Variants in USP35 observed in about 807,000 individuals in gnomAD.
USP35 encodes ubiquitin specific peptidase 35, also known as ubiquitin carboxyl-terminal hydrolase 35.
In USP35, 69 loss-of-function variants were observed where a neutral mutation model predicts 83.8. The ratio of observed to expected loss-of-function variants is 0.82; its 90% CI spans 0.68 to 1.01. The LOEUF (loss-of-function observed/expected upper bound fraction) is 1.01, where lower values mean the gene tolerates loss of function less well. USP35 is among the 50% of genes least tolerant of loss of function. The pLI is 0.00. For missense variants in USP35, 1,503 were observed against 1,362.5 expected, an observed-to-expected ratio of 1.10 and a Z score of -1.62; for synonymous variants, 714 against 589.5, an observed-to-expected ratio of 1.21 and a Z score of -3.06.
At chr11:78,212,454 T>G (rs890710835) in intron 10 of USP35, among the ~76,000 whole-genome samples, 11 of 90,548 alleles carry the variant, frequency 1.2e-4, no homozygotes, top group Non-Finnish European at 1.7e-4. Flanking sequence ...TTTAAAATAG[T>G]TTTTTCTAAT....
At chr11:78,226,117 A>G in the USP35 span, among the ~76,000 whole-genome samples, 1 of 152,192 alleles carries the variant, frequency 6.6e-6, no homozygotes, top group South Asian at 2.1e-4. Context: ...TTCTGAATTT[A>G]TTTTTTAAAT....
Position 78,196,334 on chromosome 11 carries a change from G to C in USP35, c.89G>C (p.Arg30Pro). The C allele has an allele frequency of 6.3e-7, 1 of 1,585,436 alleles. No homozygotes were observed. Among genetic ancestry groups the C allele is most frequent in the Admixed American group, 1.7e-5 (1 of 59,018 alleles). ...GTTCGGCGCGTGCTGGAGGCGGCGC[G>C]GCAGCCGCTGGAGCGTGAGCAGTGC... is the stretch of plus-strand genomic sequence containing the variant. ...GLVRRVLEAA[R>P]QPLEREQCLA... is the part of the protein sequence containing the mutation. Residue 30 changes from arginine to proline, a missense_variant, in exon 2 of 11, where the codon CGG (arginine) becomes CCG (proline). By Grantham distance (103) the Arg-to-Pro change is moderately radical. Transcript: ENST00000529308. This position sits in a 1 kb window ranked among gnomAD's most constrained non-coding sequence, Gnocchi z 4.8.
chr11:78,220,370 A>G, the USP35 span: 1 of 1,613,122 alleles, frequency 6.2e-7, no homozygotes, highest in African/African-American at 1.3e-5. Context: ...CCAGATAATC[A>G]ACGCTGCCGG....
chr11:78,209,640 C>T lies in USP35; in HGVS notation c.1785C>T (p.Asp595=). 6.2e-7 allele frequency: 1 copy of T among 1,614,126 alleles called. No homozygotes were observed. The highest frequency in any genetic ancestry group is 8.5e-7 in the Non-Finnish European group (1 of 1,179,992). The change falls in exon 10 of 11, where the codon GAC becomes GAT. Residue 595 remains aspartate (D), a synonymous_variant. Coordinates refer to ENST00000529308, the MANE Select transcript of USP35 (RefSeq NM_020798.4). ...CCTCCCGGGAGGAGGCCTTCACGGA[C>T]CTCTCTCTCGCCTTCCCTCCTCCTG... ...NVSSREEAFT[D]LSLAFPPPER...
the USP35 span, among the ~76,000 whole-genome samples, chr11:78,224,613 G>T: frequency 6.6e-6 from 1 of 152,102 alleles, no homozygotes; most frequent in African/African-American, 2.4e-5. Context: ...TTTTCAGTGG[G>T]CCTGAAGCCA....
At chr11:78,222,111 C>T in the USP35 span, 1,011 of 1,607,976 alleles carry the variant, frequency 6.3e-4, 2 homozygotes, top group Non-Finnish European at 8.2e-4. Context: ...TTACTTGGCC[C>T]TAGACCAAGA....
At chr11:78,210,930 G>A (rs1204363188) in intron 10 of USP35, among the ~76,000 whole-genome samples, 186 bp downstream of exon 10, 2 of 152,180 alleles carry the variant, frequency 1.3e-5, no homozygotes, top group Non-Finnish European at 2.9e-5. Context: ...AACAGACACT[G>A]AGTAATGAAT....
At chr11:78,230,167 C>T in the USP35 span, among the ~76,000 whole-genome samples, 3 of 152,194 alleles carry the variant, frequency 2.0e-5, no homozygotes, top group Admixed American at 6.5e-5. Context: ...AATAAACAAA[C>T]GTATGTTGCT....
At chr11:78,232,275 C>T in the USP35 span, among the ~76,000 whole-genome samples, 2 of 152,196 alleles carry the variant, frequency 1.3e-5, no homozygotes, top group African/African-American at 4.8e-5. Context: ...ATTCTGGAAT[C>T]TCACCAATGA....
downstream of USP35, chr11:78,215,638 C>G (rs562575620): frequency 2.0e-5 from 3 of 152,386 alleles, no homozygotes; most frequent in African/African-American, 7.2e-5. Context: ...TTTCAAGACA[C>G]AAGTAGCCAA....
intron 6 of USP35, among the ~76,000 whole-genome samples, chr11:78,203,559 C>A (rs919802071): frequency 2.6e-5 from 4 of 151,974 alleles, no homozygotes; most frequent in Admixed American, 6.5e-5. Context: ...TAATTATAAA[C>A]ATGTTTACAT....
chr11:78,219,844 G>A (rs1304002560), downstream of USP35, among the ~76,000 whole-genome samples: 1 of 152,158 alleles, frequency 6.6e-6, no homozygotes, highest in East Asian at 1.9e-4. Flanking sequence ...CCATGCTGAG[G>A]CACAGCTCTG....
At position 78,197,927 on chromosome 11, in the gene USP35, CT is replaced by C. The variant is rs1217821786; in HGVS notation, c.674-8del. 9.3e-6 allele frequency: 15 copies of C among 1,613,614 alleles called. No homozygotes were observed. The highest frequency in any genetic ancestry group is 1.2e-5 in the Non-Finnish European group (14 of 1,179,828). On this transcript the variant is annotated splice_polypyrimidine_tract_variant and splice_region_variant and intron_variant, in intron 2 of 10. Transcript: ENST00000529308. ...TCCCTGCTAAGCTCAGCCCTGTCCC[CT>C]GTTCCAGAGGAGGAGCCACCATCTA... is the stretch of plus-strand genomic sequence containing the variant.
At chr11:78,228,353 T>C in the USP35 span, among the ~76,000 whole-genome samples, 2 of 152,224 alleles carry the variant, frequency 1.3e-5, no homozygotes, top group African/African-American at 4.8e-5. Context: ...CAATCCTTTG[T>C]AGCAGGGATT....
At chr11:78,226,437 C>CT in the USP35 span, 2 of 1,553,600 alleles carry the variant, frequency 1.3e-6, no homozygotes, top group Non-Finnish European at 1.8e-6. Flanking sequence ...CCTCCTCCCT[C>CT]TGAGTCTCAG....
At chr11:78,213,621 A>G in intron 10 of USP35, 25 bp from the exon 11 acceptor site, 3 of 1,412,632 alleles carry the variant, frequency 2.1e-6, no homozygotes, top group Non-Finnish European at 2.8e-6. Context: ...TCTAAGTCTA[A>G]GTCTCCTCTC....
chr11:78,195,919 C>T (rs573630864), intron 1 of USP35, among the ~76,000 whole-genome samples: 157 of 152,152 alleles, frequency 1.0e-3, no homozygotes, highest in African/African-American at 3.4e-3. Context: ...TTTGTAGAGA[C>T]GGGCCTCGCT....
Position 78,196,619 on chromosome 11 carries a change from G to A in USP35, c.374G>A (p.Arg125Gln), listed in dbSNP as rs1863154323. Reference sequence around the variant, plus strand: ...GCCGACGAGGTGTTCGCGCTGCTGCGGCGCGAGGTGCTGCGCACCGTGTGC... The same window carrying A: ...GCCGACGAGGTGTTCGCGCTGCTGCAGCGCGAGGTGCTGCGCACCGTGTGC... Reference protein sequence around the residue: ...PAADEVFALLRREVLRTVCER... With the variant: ...PAADEVFALLQREVLRTVCER... The change falls in exon 2 of 11, where the codon CGG becomes CAG. Residue 125 changes from arginine to glutamine, a missense_variant. Coordinates refer to ENST00000529308, the MANE Select transcript of USP35 (RefSeq NM_020798.4). This position sits in a 1 kb window ranked among gnomAD's most constrained non-coding sequence, Gnocchi z 4.8. 1 of 1,296,524 alleles carries A rather than the reference G, an allele frequency of 7.7e-7. No homozygotes were observed. Among genetic ancestry groups the A allele is most frequent in the East Asian group, 3.5e-5 (1 of 28,452 alleles). 80.3% of individuals were successfully genotyped at this position (1,296,524 alleles called of 1,614,324 possible).
chr11:78,209,420 T>C (rs374690583), intron 9 of USP35, 28 bp from the exon 10 acceptor site: 5 of 1,563,482 alleles, frequency 3.2e-6, no homozygotes, highest in Middle Eastern at 1.7e-4. Flanking sequence ...CGCATGTACA[T>C]GTAGTGACTC....
Sources: allele counts gnomAD v4.1 joint callset (sites outside exome capture counted in the v4.1 genomes callset), GRCh38; gene constraint gnomAD v4.1.1; non-coding constraint Gnocchi (gnomAD v3.1); transcripts MANE v1.5; gene names NCBI Gene and HGNC (gene_info 2026-07-23, HGNC 2026-07-21).